The following DEPTOR variants were observed in gnomAD, a reference collection of about 807,000 sequenced individuals.
DEPTOR encodes DEP domain containing MTOR interacting protein.
DEPTOR carries 41 observed loss-of-function variants against 41.6 expected under a neutral mutation model. That is an observed-to-expected ratio of 0.98 (90% CI 0.77 to 1.28). The LOEUF (loss-of-function observed/expected upper bound fraction) is 1.28. Ranked by LOEUF, DEPTOR falls within the 50% of genes most tolerant of loss-of-function variation. The pLI, the probability that DEPTOR is intolerant of heterozygous loss-of-function variation, is 0.00. For missense variants in DEPTOR, 514 were observed against 527.9 expected (o/e 0.97, Z 0.26); for synonymous variants, 195 against 192.3 (o/e 1.01, Z -0.12).
At chr8:119,971,094 T>TG (rs1257598525) in intron 4 of DEPTOR, among the ~76,000 whole-genome samples, 1 of 152,026 alleles carries the variant, frequency 6.6e-6, no homozygotes, top group African/African-American at 2.4e-5. Flanking sequence ...TAGCCGGGCA[T>TG]GGTGGCAGGC....
chr8:119,886,114 G>T (rs543306401), intron 1 of DEPTOR, among the ~76,000 whole-genome samples: 12 of 151,966 alleles, frequency 7.9e-5, no homozygotes, highest in Non-Finnish European at 1.3e-4. Context: ...TTAAACTGTT[G>T]CCTCCTATAA....
intron 1 of DEPTOR, among the ~76,000 whole-genome samples, chr8:119,921,736 T>G (rs1322833652): frequency 6.6e-6 from 1 of 151,580 alleles, no homozygotes; most frequent in African/African-American, 2.4e-5. Context: ...AACTGAAAGG[T>G]TCTATTCTGT....
intron 1 of DEPTOR, among the ~76,000 whole-genome samples, chr8:119,917,501 T>G (rs1245478689): frequency 6.6e-6 from 1 of 152,218 alleles, no homozygotes; most frequent in Non-Finnish European, 1.5e-5. Context: ...CAAGATGTGC[T>G]TTGTTAAACA....
chr8:120,026,285 G>C (rs973252970), intron 8 of DEPTOR, among the ~76,000 whole-genome samples: 1 of 152,050 alleles, frequency 6.6e-6, no homozygotes, highest in African/African-American at 2.4e-5. Context: ...TCTGCTCACA[G>C]CTTGTTGGTT....
intron 1 of DEPTOR, among the ~76,000 whole-genome samples, chr8:119,908,479 A>G (rs1007930812): frequency 2.0e-5 from 3 of 151,628 alleles, no homozygotes; most frequent in African/African-American, 4.9e-5. Flanking sequence ...AAGTGTTTCC[A>G]TGACTTCTGT....
At chr8:120,047,126 C>T (rs182956764) in intron 8 of DEPTOR, among the ~76,000 whole-genome samples, 1 of 152,112 alleles carries the variant, frequency 6.6e-6, no homozygotes, top group Admixed American at 6.5e-5. Context: ...CAGGTTCAAG[C>T]AATTCTCCTG....
At chr8:119,902,129 C>T (rs1001978515) in intron 1 of DEPTOR, among the ~76,000 whole-genome samples, 1 of 152,028 alleles carries the variant, frequency 6.6e-6, no homozygotes, top group Non-Finnish European at 1.5e-5. Context: ...TATGTTGATT[C>T]CCAATTTAGA....
chr8:119,977,379 A>G (rs140064623), intron 4 of DEPTOR, among the ~76,000 whole-genome samples: 137 of 152,042 alleles, frequency 9.0e-4, no homozygotes, highest in African/African-American at 3.2e-3. Flanking sequence ...TAAATGTTCA[A>G]CTTTGAACAG....
intron 1 of DEPTOR, among the ~76,000 whole-genome samples, chr8:119,909,774 G>A (rs527552972): frequency 1.3e-5 from 2 of 152,294 alleles, no homozygotes; most frequent in Non-Finnish European, 2.9e-5. Context: ...CTACAGACAA[G>A]GGTTAATCAT....
chr8:119,966,739 A>T lies in DEPTOR; in HGVS notation c.604+1329A>T, dbSNP rs1041565991. 3.6e-4 allele frequency among the ~76,000 whole-genome samples: 55 copies of T among 152,300 alleles called. 1 individual carries two copies. Among genetic ancestry groups the T allele is most frequent in the African/African-American group, 1.3e-3 (53 of 41,562 alleles). On this transcript the variant is annotated intron_variant, in intron 4 of 8. Transcript: ENST00000286234. ...TGATCCACCCACCTTGGCCTCCCGA[A>T]GAACTGGGATTACAGGCGTGAACAA...
In DEPTOR at chr8:120,050,750, G is replaced by C. The variant is rs1255635576; in HGVS notation, c.*1046G>C. On this transcript the variant is annotated 3_prime_UTR_variant, in exon 9 of 9. Coordinates refer to ENST00000286234, the MANE Select transcript of DEPTOR (RefSeq NM_022783.4). Reference sequence around the variant, plus strand: ...TGTATATACGCACGTTTTCATTTTTGGTCTAGAAAATAGTGCATTTTGGGG... The same window carrying C: ...TGTATATACGCACGTTTTCATTTTTCGTCTAGAAAATAGTGCATTTTGGGG... 6.6e-6 allele frequency: 1 copy of C among 151,950 alleles called. No individual in the cohort carries two copies. The highest frequency in any genetic ancestry group is 2.4e-5 in the African/African-American group (1 of 41,400). The allele number at this position is 151,950 out of a possible 1,614,324, so 9.4% of individuals were successfully genotyped here.
At chr8:120,009,225 C>G (rs1812494440) in intron 8 of DEPTOR, 92 bp downstream of exon 8, 1 of 1,104,634 alleles carries the variant, frequency 9.1e-7, no homozygotes, top group Non-Finnish European at 1.3e-6. Flanking sequence ...CCAAACCCAT[C>G]TTATTTTGTG....
intron 8 of DEPTOR, among the ~76,000 whole-genome samples, chr8:120,042,108 A>G (rs1252144857): frequency 1.4e-5 from 2 of 142,786 alleles, no homozygotes; most frequent in African/African-American, 5.3e-5. Context: ...AAAAAAAAAA[A>G]GTATTGCAAC....
At chr8:119,921,863 C>A (rs1266590171) in intron 1 of DEPTOR, among the ~76,000 whole-genome samples, 2 of 151,398 alleles carry the variant, frequency 1.3e-5, no homozygotes, top group Non-Finnish European at 2.9e-5. Context: ...TGGGTTCAAG[C>A]AATTCTCCTG....
At chr8:119,898,461 G>A (rs1451497524) in intron 1 of DEPTOR, among the ~76,000 whole-genome samples, 5 of 152,114 alleles carry the variant, frequency 3.3e-5, no homozygotes, top group Admixed American at 2.0e-4. Context: ...GGTGGCTTAC[G>A]TGTGTAATCC....
chr8:119,978,869 A>T (rs1828728505), intron 4 of DEPTOR, among the ~76,000 whole-genome samples: 1 of 152,022 alleles, frequency 6.6e-6, no homozygotes, highest in Admixed American at 6.6e-5. Flanking sequence ...GATAACTCTC[A>T]TCTCAGTACA....
At chr8:119,908,123 TA>T (rs1448581382) in intron 1 of DEPTOR, among the ~76,000 whole-genome samples, 1 of 152,150 alleles carries the variant, frequency 6.6e-6, no homozygotes, top group African/African-American at 2.4e-5. Flanking sequence ...GATCAAACTG[TA>T]AGACTCTTGA....
chr8:120,010,655 G>A (rs937035694), intron 8 of DEPTOR, among the ~76,000 whole-genome samples: 10 of 151,272 alleles, frequency 6.6e-5, no homozygotes, highest in African/African-American at 2.4e-4. Context: ...CACATATACA[G>A]TCAAGAAAAT....
chr8:120,034,775 C>G (rs1346060256), intron 8 of DEPTOR, among the ~76,000 whole-genome samples: 2 of 152,074 alleles, frequency 1.3e-5, no homozygotes, highest in Non-Finnish European at 2.9e-5. Context: ...AATACTGCAT[C>G]TTGTTTAGTA....
Sources: gnomAD v4.1 joint callset for allele counts (sites outside exome capture counted in the v4.1 genomes callset) on GRCh38, gnomAD v4.1.1 for gene constraint, MANE v1.5 for transcripts, NCBI Gene and HGNC (gene_info 2026-07-23, HGNC 2026-07-21) for gene names.